The following ADGRL2 variants were observed in gnomAD, a reference collection of about 807,000 sequenced individuals.
ADGRL2 encodes the protein adhesion G protein-coupled receptor L2, also known as calcium-independent alpha-latrotoxin receptor 2.
Under a neutral mutation model 157.4 loss-of-function variants are expected in ADGRL2, and 44 were observed. That is an observed-to-expected ratio of 0.28 (90% CI 0.22 to 0.36). The LOEUF is 0.36. ADGRL2 is among the 10% of genes least tolerant of loss of function. The pLI is 1.00. For synonymous variants in ADGRL2, 585 were observed against 624.7 expected, an observed-to-expected ratio of 0.94 and a Z score of 0.95; for missense variants, 1,510 against 1,768.9, an observed-to-expected ratio of 0.85 and a Z score of 2.63.
intron 2 of ADGRL2, among the ~76,000 whole-genome samples, chr1:81,876,043 A>G (rs1169046862): frequency 1.3e-5 from 2 of 152,198 alleles, no homozygotes; most frequent in Non-Finnish European, 2.9e-5. Context: ...TTTGTTTTTC[A>G]ATAAATGGTT....
intron 2 of ADGRL2, among the ~76,000 whole-genome samples, chr1:81,890,731 AC>A (rs1453929655): frequency 1.1e-4 from 6 of 57,076 alleles, no homozygotes; most frequent in East Asian, 1.7e-3. Flanking sequence ...GCAGAGATAC[AC>A]GGCAGTCTTT....
intron 1 of ADGRL2, among the ~76,000 whole-genome samples, chr1:81,410,738 G>A (rs1445295541): frequency 2.6e-5 from 4 of 152,144 alleles, no homozygotes; most frequent in Non-Finnish European, 5.9e-5. Context: ...TCTGTACATA[G>A]AGCTCTGATG....
chr1:81,956,989 C>G (rs1042811553), intron 11 of ADGRL2, among the ~76,000 whole-genome samples: 3 of 151,830 alleles, frequency 2.0e-5, no homozygotes, highest in African/African-American at 7.3e-5. Flanking sequence ...AAGAAATGGA[C>G]ATAAATCAAA....
At chr1:81,504,066 T>A (rs368526324) in intron 2 of ADGRL2, among the ~76,000 whole-genome samples, 1 of 152,166 alleles carries the variant, frequency 6.6e-6, no homozygotes, top group East Asian at 1.9e-4. Flanking sequence ...ATCCCCCTTC[T>A]AATGGTCTGA....
chr1:81,861,549 G>T lies in ADGRL2; in HGVS notation c.73+24492G>T, dbSNP rs987019971. Among the ~76,000 whole-genome samples, 20 of 152,124 alleles carry T rather than the reference G, an allele frequency of 1.3e-4. 1 individual carries two copies. The highest frequency in any genetic ancestry group is 1.3e-3 in the Admixed American group (20 of 15,270). On this transcript the variant is annotated intron_variant, in intron 2 of 23. Transcript: ENST00000686636. Reference sequence around the variant, plus strand: ...AATTTATATTTTATTGATTATGTCGGTATCAATTATAAACTATCTTTTAAC... The same window carrying T: ...AATTTATATTTTATTGATTATGTCGTTATCAATTATAAACTATCTTTTAAC...
intron 1 of ADGRL2, among the ~76,000 whole-genome samples, chr1:81,380,199 G>T (rs1321591548): frequency 6.6e-6 from 1 of 152,146 alleles, no homozygotes; most frequent in East Asian, 1.9e-4. Flanking sequence ...CTAATGAAGT[G>T]GACGTTTTCC....
At chr1:81,776,872 A>G (rs2086608987) in intron 2 of ADGRL2, among the ~76,000 whole-genome samples, 2 of 152,172 alleles carry the variant, frequency 1.3e-5, no homozygotes, top group African/African-American at 4.8e-5. Context: ...TCTTATCTAT[A>G]ACATTAAAAT....
At chr1:81,639,291 G>A (rs1028750568) in intron 3 of ADGRL2, among the ~76,000 whole-genome samples, 5 of 152,016 alleles carry the variant, frequency 3.3e-5, no homozygotes, top group African/African-American at 1.2e-4. Flanking sequence ...GGCTGGTCTC[G>A]AACTCCTGAC....
At chr1:81,903,788 TTA>T (rs1193451119) in intron 2 of ADGRL2, among the ~76,000 whole-genome samples, 214 of 139,418 alleles carry the variant, frequency 1.5e-3, no homozygotes, top group African/African-American at 5.4e-3. Context: ...TATATACACA[TTA>T]TATATATATA....
At chr1:81,528,794 AT>A (rs962455530) in intron 2 of ADGRL2, among the ~76,000 whole-genome samples, 14 of 152,184 alleles carry the variant, frequency 9.2e-5, no homozygotes, top group African/African-American at 3.1e-4. Context: ...TAAGTGGTTC[AT>A]TGTTGGCTGA....
chr1:81,311,152 G>A (rs1355168429), intron 1 of ADGRL2, among the ~76,000 whole-genome samples: 3 of 152,114 alleles, frequency 2.0e-5, no homozygotes, highest in South Asian at 2.1e-4. Context: ...ACATATACAA[G>A]CTCAAAACTA....
intron 1 of ADGRL2, among the ~76,000 whole-genome samples, chr1:81,416,062 G>C (rs2077028093): frequency 6.6e-6 from 1 of 151,984 alleles, no homozygotes; most frequent in African/African-American, 2.4e-5. Flanking sequence ...ATGTTAGCCA[G>C]GATGGTCTCG....
chr1:81,669,960 A>G (rs1272035128), intron 3 of ADGRL2, among the ~76,000 whole-genome samples: 2 of 151,508 alleles, frequency 1.3e-5, no homozygotes, highest in Admixed American at 6.6e-5. Context: ...AAAAAAAAAA[A>G]AGAGGACACC....
intron 2 of ADGRL2, among the ~76,000 whole-genome samples, chr1:81,903,760 T>G (rs1373846857): frequency 6.9e-6 from 1 of 144,218 alleles, no homozygotes; most frequent in Non-Finnish European, 1.5e-5. Context: ...TATATACACA[T>G]TATATATACA....
intron 1 of ADGRL2, among the ~76,000 whole-genome samples, chr1:81,709,946 G>A (rs562272181): frequency 5.3e-5 from 8 of 152,026 alleles, no homozygotes; most frequent in Non-Finnish European, 1.2e-4. Context: ...CTGTTTCCCC[G>A]TCCCCCTCAC....
chr1:81,338,083 C>A (rs1205627984), intron 1 of ADGRL2, among the ~76,000 whole-genome samples: 1 of 152,172 alleles, frequency 6.6e-6, no homozygotes, highest in East Asian at 1.9e-4. Flanking sequence ...CTACTCTTGG[C>A]CCAACGCAGT....
At position 81,480,934 on chromosome 1, in the gene ADGRL2, G is replaced by A. The variant is rs530250064; in HGVS notation, c.-248+35845G>A. 1.9e-4 allele frequency among the ~76,000 whole-genome samples: 29 copies of A among 152,254 alleles called. 1 individual carries two copies. The South Asian group carries it at 4.3e-3, about 23-fold the overall frequency. On this transcript the variant is annotated intron_variant, in intron 2 of 24. Coordinates refer to the ADGRL2 transcript ENST00000370721. ...CAGTTATGAAGAAATTCTCCTGAACGTCTGTATCCTTTAAGGGTTAGATCA... is the reference window on the plus strand; with the variant it reads ...CAGTTATGAAGAAATTCTCCTGAACATCTGTATCCTTTAAGGGTTAGATCA...
chr1:81,503,430 C>T, intron 2 of ADGRL2: 1 of 1,613,562 alleles, frequency 6.2e-7, no homozygotes, highest in South Asian at 1.1e-5. Flanking sequence ...CATCCCGGGG[C>T]ACCCCCAGCG....
At chr1:81,627,998 C>T (rs2081942827) in intron 3 of ADGRL2, among the ~76,000 whole-genome samples, 1 of 152,188 alleles carries the variant, frequency 6.6e-6, no homozygotes, top group Non-Finnish European at 1.5e-5. Context: ...GTCTAACAAT[C>T]ATATTCATTA....
Sources: gnomAD v4.1 joint callset for allele counts (sites outside exome capture counted in the v4.1 genomes callset) on GRCh38, gnomAD v4.1.1 for gene constraint, MANE v1.5 for transcripts, NCBI Gene and HGNC (gene_info 2026-07-23, HGNC 2026-07-21) for gene names.